Variants in SDHAF3 observed in about 807,000 individuals in gnomAD.
The protein encoded by SDHAF3 is succinate dehydrogenase assembly factor 3, mitochondrial.
Under a neutral mutation model 11.5 loss-of-function variants are expected in SDHAF3, and 18 were observed. The ratio of observed to expected loss-of-function variants is 1.56; its 90% confidence interval spans 1.08 to 2.32. The LOEUF (loss-of-function observed/expected upper bound fraction) is 2.32, where lower values mean the gene tolerates loss of function less well. SDHAF3 is among the 30% of genes most tolerant of loss of function. The pLI is 0.00. For synonymous variants in SDHAF3, 72 were observed against 59.3 expected (o/e 1.21, Z -0.99); for missense variants, 200 against 154.4 (o/e 1.30, Z -1.57).
chr7:97,131,566 C>A (rs1185571303), intron 1 of SDHAF3, among the ~76,000 whole-genome samples: 2 of 151,884 alleles, frequency 1.3e-5, no homozygotes, highest in Non-Finnish European at 2.9e-5. Flanking sequence ...TATATTTTAC[C>A]CCTGAATTAG....
intron 1 of SDHAF3, among the ~76,000 whole-genome samples, chr7:97,158,772 C>G (rs991370680): frequency 6.6e-6 from 1 of 152,120 alleles, no homozygotes; most frequent in South Asian, 2.1e-4. Flanking sequence ...TAAAATAGGA[C>G]TAACAGGAGA....
intron 1 of SDHAF3, among the ~76,000 whole-genome samples, chr7:97,121,319 A>G (rs1243404449): frequency 2.0e-5 from 3 of 152,226 alleles, no homozygotes; most frequent in Non-Finnish European, 4.4e-5. Context: ...TAGATAAAAC[A>G]TGTTGGTGAG....
At chr7:97,160,442 C>T (rs1165715552) in intron 1 of SDHAF3, among the ~76,000 whole-genome samples, 3 of 151,422 alleles carry the variant, frequency 2.0e-5, no homozygotes, top group South Asian at 2.1e-4. Flanking sequence ...ACGACGATGG[C>T]GGTTTTGTCA....
chr7:97,134,099 C>T (rs548420145), intron 1 of SDHAF3, among the ~76,000 whole-genome samples: 15 of 152,208 alleles, frequency 9.9e-5, no homozygotes, highest in Non-Finnish European at 1.8e-4. Flanking sequence ...CTCCCTCCCC[C>T]CTTTCCAAAG....
intron 1 of SDHAF3, among the ~76,000 whole-genome samples, chr7:97,166,746 C>CG (rs75706400): frequency 0.22 from 33,824 of 150,646 alleles, 3,997 homozygotes; most frequent in East Asian, 0.39. Context: ...AGTTAGTTGG[C>CG]GGGGGGGGCT....
chr7:97,142,933 G>A (rs529557139), intron 1 of SDHAF3: 1 of 111,162 alleles, frequency 9.0e-6, no homozygotes, highest in Non-Finnish European at 1.7e-5. Context: ...GTCTCACTCT[G>A]TTGCCCAGGC....
intron 1 of SDHAF3, among the ~76,000 whole-genome samples, chr7:97,172,114 T>C (rs1192039509): frequency 1.3e-5 from 2 of 152,176 alleles, no homozygotes; most frequent in Non-Finnish European, 2.9e-5. Context: ...AAAACTATTC[T>C]TCAAAAGTTT....
At chr7:97,179,129 A>T (rs1462113144) in intron 1 of SDHAF3, among the ~76,000 whole-genome samples, 1 of 152,170 alleles carries the variant, frequency 6.6e-6, no homozygotes, top group African/African-American at 2.4e-5. Flanking sequence ...TGACATCTTT[A>T]TCAAAAATCA....
chr7:97,150,298 G>T (rs898104799), intron 1 of SDHAF3, among the ~76,000 whole-genome samples: 3 of 152,174 alleles, frequency 2.0e-5, no homozygotes, highest in Non-Finnish European at 4.4e-5. Context: ...ATCTAGAATG[G>T]TGAATCCTTT....
chr7:97,142,042 C>CTGTTTTT (rs1789055293), intron 1 of SDHAF3, among the ~76,000 whole-genome samples: 1 of 61,680 alleles, frequency 1.6e-5, no homozygotes, highest in African/African-American at 6.3e-5. Flanking sequence ...GAATTGTTGT[C>CTGTTTTT]TTTTTTTTTT....
rs539926271 is a variant in SDHAF3, at chr7:97,147,046, G to A, written c.174+29149G>A. 5.3e-5 allele frequency among the ~76,000 whole-genome samples: 8 copies of A among 152,088 alleles called. No homozygotes were observed. The South Asian group carries it at 1.2e-3, about 24-fold the overall frequency. On this transcript the variant is annotated intron_variant, in intron 1 of 1. Transcript: ENST00000432641. ...GTGAGCCACTGCGCCCGGCCAATAG[G>A]TACTCTTATTGTCTCCATTTAGATT...
At chr7:97,119,885 A>C (rs1486507976) in intron 1 of SDHAF3, among the ~76,000 whole-genome samples, 1 of 152,184 alleles carries the variant, frequency 6.6e-6, no homozygotes, top group Non-Finnish European at 1.5e-5. Context: ...TAAGAATACC[A>C]CATGGGCAAA....
intron 1 of SDHAF3, among the ~76,000 whole-genome samples, chr7:97,164,282 C>T (rs796441260): frequency 7.3e-5 from 11 of 151,168 alleles, no homozygotes; most frequent in African/African-American, 2.2e-4. Context: ...GGCTGGAGTG[C>T]GGTGACAAAA....
At chr7:97,159,773 G>A (rs1246440466) in intron 1 of SDHAF3, among the ~76,000 whole-genome samples, 3 of 152,182 alleles carry the variant, frequency 2.0e-5, no homozygotes, top group Non-Finnish European at 4.4e-5. Context: ...CTGAGATTTA[G>A]TTCTTTTTTT....
At chr7:97,168,420 T>TTGTG (rs1384004336) in intron 1 of SDHAF3, among the ~76,000 whole-genome samples, 1 of 152,174 alleles carries the variant, frequency 6.6e-6, no homozygotes, top group African/African-American at 2.4e-5. Context: ...TTGGGAAAGA[T>TTGTG]TGTGTTATAT....
chr7:97,157,603 A>C (rs923021943), intron 1 of SDHAF3, among the ~76,000 whole-genome samples: 4 of 152,192 alleles, frequency 2.6e-5, no homozygotes, highest in Non-Finnish European at 4.4e-5. Context: ...TTGACCCAGC[A>C]GTCCCATTAC....
intron 1 of SDHAF3, among the ~76,000 whole-genome samples, chr7:97,168,983 A>G (rs1401152533): frequency 1.3e-5 from 2 of 152,258 alleles, no homozygotes; most frequent in Non-Finnish European, 1.5e-5. Context: ...TTAGAATAAC[A>G]AATGCAGAAG....
At chr7:97,152,350 A>G (rs565520596) in intron 1 of SDHAF3, among the ~76,000 whole-genome samples, 21 of 152,218 alleles carry the variant, frequency 1.4e-4, no homozygotes, top group Non-Finnish European at 3.1e-4. Context: ...ATAGTTTGGC[A>G]GGCATGGACT....
chr7:97,149,472 G>C (rs920437289), intron 1 of SDHAF3, among the ~76,000 whole-genome samples: 4 of 152,088 alleles, frequency 2.6e-5, no homozygotes, highest in Admixed American at 2.0e-4. Flanking sequence ...TGTAGTAGGA[G>C]CAAACTGCAC....
Sources: gnomAD v4.1 joint callset for allele counts (sites outside exome capture counted in the v4.1 genomes callset) on GRCh38, gnomAD v4.1.1 for gene constraint, MANE v1.5 for transcripts, NCBI Gene and HGNC (gene_info 2026-07-23, HGNC 2026-07-21) for gene names.